Variants in TENM4 observed in about 807,000 individuals in gnomAD.
The protein encoded by TENM4 is teneurin transmembrane protein 4.
A neutral mutation model predicts 243.3 loss-of-function variants in TENM4; 82 were observed. The ratio of observed to expected loss-of-function variants is 0.34; its 90% CI spans 0.28 to 0.40. The LOEUF (loss-of-function observed/expected upper bound fraction) is 0.40, where lower values mean the gene tolerates loss of function less well. TENM4 is among the 10% of genes least tolerant of loss of function. TENM4 has a pLI of 1.00. For missense variants in TENM4, 3,138 were observed against 3,673.3 expected (o/e 0.85, Z 3.77); for synonymous variants, 1,412 against 1,456.3 (o/e 0.97, Z 0.69).
Position 78,833,393 on chromosome 11 carries a change from T to C in TENM4, c.1682-18998A>G, listed in dbSNP as rs79084907. On this transcript the variant is annotated intron_variant, in intron 12 of 33. Coordinates refer to ENST00000278550, the MANE Select transcript of TENM4 (RefSeq NM_001098816.3). Reference sequence around the variant, plus strand: ...GCCACTTCTGACCAGTAGAATCTAATGGAAAGGCGTCATTTTTTGCTTACT... The same window carrying C: ...GCCACTTCTGACCAGTAGAATCTAACGGAAAGGCGTCATTTTTTGCTTACT... 3.3e-3 allele frequency among the ~76,000 whole-genome samples: 507 copies of C among 152,354 alleles called. 3 individuals are homozygous for C. Among genetic ancestry groups the C allele is most frequent in the Admixed American group, 5.4e-3 (82 of 15,304 alleles).
At chr11:79,033,669 T>C (rs1859304969) in intron 6 of TENM4, among the ~76,000 whole-genome samples, 1 of 152,204 alleles carries the variant, frequency 6.6e-6, no homozygotes, top group Non-Finnish European at 1.5e-5. Flanking sequence ...ATTTGTCCCA[T>C]AAGAGCTTCA....
At chr11:79,336,012 G>T (rs1046267262) in intron 1 of TENM4, among the ~76,000 whole-genome samples, 1 of 146,762 alleles carries the variant, frequency 6.8e-6, no homozygotes, top group Non-Finnish European at 1.5e-5. Flanking sequence ...CAGTGTGCTA[G>T]ATGCTTTCAT....
chr11:78,883,605 T>C (rs1855485244), intron 9 of TENM4, among the ~76,000 whole-genome samples: 1 of 152,226 alleles, frequency 6.6e-6, no homozygotes, highest in African/African-American at 2.4e-5. Flanking sequence ...TCGTCTCCTA[T>C]TCCAAAGGCC....
intron 2 of TENM4, among the ~76,000 whole-genome samples, chr11:79,261,645 G>A (rs1189128324): frequency 1.3e-5 from 2 of 151,184 alleles, no homozygotes; most frequent in Non-Finnish European, 2.9e-5. Flanking sequence ...GAGAGAGAGA[G>A]CTGTGGGTTT....
chr11:78,750,728 T>TG (rs1427075628), intron 19 of TENM4, among the ~76,000 whole-genome samples: 3 of 152,212 alleles, frequency 2.0e-5, no homozygotes, highest in Non-Finnish European at 4.4e-5. Context: ...CCAATTCCTT[T>TG]GGGTTCAATG....
intron 1 of TENM4, among the ~76,000 whole-genome samples, chr11:79,313,824 T>C (rs1856760061): frequency 6.6e-6 from 1 of 152,138 alleles, no homozygotes; most frequent in Non-Finnish European, 1.5e-5. Context: ...TTGGGACAGA[T>C]ACTAAGATTA....
Position 78,669,734 on chromosome 11 carries a change from G to A in TENM4, c.6611C>T (p.Thr2204Ile), listed in dbSNP as rs1858266500. 6.2e-7 allele frequency: 1 copy of A among 1,613,904 alleles called. No homozygotes were observed. The highest frequency in any genetic ancestry group is 1.3e-5 in the African/African-American group (1 of 74,922). The change falls in exon 32 of 34, where the codon ACA becomes ATA. Residue 2204 changes from threonine (T) to isoleucine (I), a missense_variant. Around this residue, in one of 2 missense-constraint regions of TENM4, gnomAD observed 2,467 missense variants for 3,059.1 expected, o/e 0.81. Coordinates refer to ENST00000278550, the MANE Select transcript of TENM4 (RefSeq NM_001098816.3). The surrounding 1 kb of genome is among the most constrained non-coding windows in gnomAD (Gnocchi z 6.4). ...GAGTGGCTTGTCATTGATGGAGACT[G>A]TCTGCAGCTGGCCGTCAGCATCATA... The part of the protein sequence containing the change: ...YEYDADGQLQ[T>I]VSINDKPLWR...
chr11:79,216,879 G>A (rs1044370362), intron 2 of TENM4, among the ~76,000 whole-genome samples: 5 of 152,140 alleles, frequency 3.3e-5, no homozygotes, highest in African/African-American at 1.2e-4. Flanking sequence ...TCTGTGGAAT[G>A]GGTCGATCTT....
At chr11:78,957,671 G>A (rs1857235913) in intron 6 of TENM4, among the ~76,000 whole-genome samples, 1 of 152,162 alleles carries the variant, frequency 6.6e-6, no homozygotes, top group Non-Finnish European at 1.5e-5. Flanking sequence ...GCTGACCAGT[G>A]AGAAATTTGT....
chr11:79,415,851 C>T (rs1455144815), intron 1 of TENM4, among the ~76,000 whole-genome samples: 8 of 152,092 alleles, frequency 5.3e-5, no homozygotes, highest in African/African-American at 4.8e-5. Context: ...ACCATATTCA[C>T]ATCATCCCCC....
chr11:78,972,359 T>G (rs1007938322), intron 6 of TENM4, among the ~76,000 whole-genome samples: 1 of 152,140 alleles, frequency 6.6e-6, no homozygotes, highest in Admixed American at 6.5e-5. Flanking sequence ...GCCATTTGTC[T>G]CTGTGAGTTA....
At chr11:78,689,554 G>A (rs567378761) in intron 28 of TENM4, among the ~76,000 whole-genome samples, 1 of 152,194 alleles carries the variant, frequency 6.6e-6, no homozygotes, top group East Asian at 1.9e-4. Flanking sequence ...TCACAATGGG[G>A]CAATGAAAGG....
chr11:79,409,985 GGAA>G (rs1186153821), intron 1 of TENM4, among the ~76,000 whole-genome samples: 4 of 152,084 alleles, frequency 2.6e-5, no homozygotes, highest in African/African-American at 9.7e-5. Context: ...GAGCCACACT[GGAA>G]GAAGAACTGT....
intron 2 of TENM4, among the ~76,000 whole-genome samples, chr11:79,293,983 C>T (rs1295764592): frequency 6.6e-6 from 1 of 152,260 alleles, no homozygotes; most frequent in African/African-American, 2.4e-5. Context: ...GACCTCACAT[C>T]ATTGCCAGGA....
intron 3 of TENM4, among the ~76,000 whole-genome samples, chr11:79,197,921 C>T (rs1336736548): frequency 6.6e-6 from 1 of 152,086 alleles, no homozygotes; most frequent in African/African-American, 2.4e-5. Context: ...CACCTGCAGG[C>T]CGTGCAGGCC....
At chr11:78,820,565 G>A (rs1390938281) in intron 12 of TENM4, among the ~76,000 whole-genome samples, 1 of 152,194 alleles carries the variant, frequency 6.6e-6, no homozygotes, top group East Asian at 1.9e-4. Flanking sequence ...CCAGGACCTG[G>A]CAGAGCTGGT....
At chr11:79,284,116 A>T (rs1856206754) in intron 2 of TENM4, among the ~76,000 whole-genome samples, 1 of 152,212 alleles carries the variant, frequency 6.6e-6, no homozygotes, top group South Asian at 2.1e-4. Context: ...TATTGTTTGG[A>T]TAAAAATATT....
intron 6 of TENM4, among the ~76,000 whole-genome samples, chr11:78,999,646 A>G (rs891220366): frequency 6.6e-6 from 1 of 152,232 alleles, no homozygotes; most frequent in African/African-American, 2.4e-5. Context: ...TGAAGTGTCC[A>G]GTTTTCAACA....
At chr11:78,744,443 G>A (rs1856000836) in intron 19 of TENM4, among the ~76,000 whole-genome samples, 1 of 152,232 alleles carries the variant, frequency 6.6e-6, no homozygotes, top group Non-Finnish European at 1.5e-5. Context: ...AGAAAATAAA[G>A]TTCAGACAGG....
Sources: allele counts gnomAD v4.1 joint callset (sites outside exome capture counted in the v4.1 genomes callset), GRCh38; gene constraint gnomAD v4.1.1; regional missense constraint gnomAD v4.1.1; non-coding constraint Gnocchi (gnomAD v3.1); transcripts MANE v1.5; gene names NCBI Gene and HGNC (gene_info 2026-07-23, HGNC 2026-07-21).